The following KIF12 variants were observed in gnomAD, a reference collection of about 807,000 sequenced individuals.
The protein encoded by KIF12 is kinesin family member 12.
KIF12 carries 80 observed loss-of-function variants against 87.9 expected under a neutral mutation model. The ratio of observed to expected loss-of-function variants is 0.91; its 90% CI spans 0.76 to 1.10. KIF12 has a LOEUF of 1.10. Among genes scored for constraint, KIF12 ranks in the 50% least tolerant of loss-of-function variants. The probability of loss-of-function intolerance (pLI) is 0.00; values close to 1 mark genes in which losing one functional copy is unlikely to be tolerated. For synonymous variants in KIF12, 353 were observed against 348.5 expected, an observed-to-expected ratio of 1.01 and a Z score of -0.14; for missense variants, 819 against 865.3, an observed-to-expected ratio of 0.95 and a Z score of 0.67.
Position 114,098,433 on chromosome 9 carries a change from G to A in KIF12, c.172-4C>T. ...GACCCCCGCCTGGAGGACTCACCTG[G>A]CGCGGGTGGGGCGGAGGAGCGGGGC... On this transcript the variant is annotated splice_region_variant and splice_polypyrimidine_tract_variant and intron_variant, in intron 3 of 18. Transcript: ENST00000640217. 1 of 1,482,106 alleles carries A rather than the reference G, an allele frequency of 6.7e-7. No homozygotes were observed. The highest frequency in any genetic ancestry group is 2.7e-5 in the East Asian group (1 of 37,528). 91.8% of individuals were successfully genotyped at this position (1,482,106 alleles called of 1,614,324 possible).
intron 5 of KIF12, 71 bp downstream of exon 5, chr9:114,098,044 C>A (rs1847309361): frequency 7.0e-7 from 1 of 1,423,510 alleles, no homozygotes; most frequent in East Asian, 2.5e-5. Context: ...GAGTCTGCGC[C>A]GCCTGCGGCT....
In KIF12 at chr9:114,091,724, C is replaced by G; in HGVS notation, c.*137G>C. 1.1e-6 allele frequency: 1 copy of G among 884,144 alleles called. No individual in the cohort carries two copies. The highest frequency in any genetic ancestry group is 1.7e-6 in the Non-Finnish European group (1 of 602,830). The allele number at this position is 884,144 out of a possible 1,614,324, so 54.8% of individuals were successfully genotyped here. A position where few individuals can be genotyped will look rare whatever the true frequency, so the allele number is the denominator to read the frequency against. ...TCCCCTTGTTCCCCTAAATAGCACC[C>G]CCAGTCCCCGCCCCTAGCCCAGCTG... On this transcript the variant is annotated 3_prime_UTR_variant, in exon 19 of 19. Transcript: ENST00000640217.
rs555152437 is a variant in KIF12 at position 114,092,324 on chromosome 9, C to T, written c.1816+9G>A. 1.7e-5 allele frequency: 26 copies of T among 1,553,778 alleles called. No individual in the cohort carries two copies. The East Asian group carries it at 5.2e-4, about 31-fold the overall frequency. On this transcript the variant is annotated intron_variant, in intron 18 of 18. Coordinates refer to ENST00000640217, the MANE Select transcript of KIF12 (RefSeq NM_001388308.1). ...ACATTAGGGGCCCCTCCCTCTCTCC[C>T]TTCTTCACCTCTGAGCCCTGGTGAT...
At position 114,098,344 on chromosome 9, in the gene KIF12, C is replaced by T. The variant is rs1847326787; in HGVS notation, c.257G>A (p.Arg86Gln). The T allele has an allele frequency of 3.4e-6, 5 of 1,489,818 alleles. 1 individual carries two copies. In the South Asian group the frequency reaches 6.5e-5, roughly 19 times the overall value. The allele number at this position is 1,489,818 out of a possible 1,614,324, so 92.3% of individuals were successfully genotyped here. The change falls in exon 4 of 19, where the codon CGG (arginine) becomes CAG (glutamine). Residue 86 changes from arginine to glutamine, a missense_variant. Physicochemically the swap from Arg to Gln is conservative, Grantham distance 43. Coordinates refer to ENST00000640217, the MANE Select transcript of KIF12 (RefSeq NM_001388308.1). Reference sequence around the variant, plus strand: ...CCCCAGGCGCCGCACGCCGCACGCCCGGAACACGTCCTCCTGCGTGCGCGC... The same window carrying T: ...CCCCAGGCGCCGCACGCCGCACGCCTGGAACACGTCCTCCTGCGTGCGCGC... The part of the protein sequence containing the change: ...DAARTQEDVF[R>Q]ACGVRRLGEL...
In KIF12 at chr9:114,092,559, G is replaced by T. The variant is rs762557720; in HGVS notation, c.1680C>A (p.Ala560=). 2 of 1,611,144 alleles carry T rather than the reference G, an allele frequency of 1.2e-6. 1 individual carries two copies. The highest frequency in any genetic ancestry group is 2.2e-5 in the South Asian group (2 of 90,676). Residue 560 remains alanine (A), a synonymous_variant, in exon 17 of 19, where the codon GCC becomes GCA. Transcript: ENST00000640217. ...AGACCCACCTCTCTCTTGGGCACTT[G>T]GCAGAGCCAGGGCTGCATGGGGGTG... ...PWAPPCSPGS[A]KCPRERSHSD... is the part of the protein sequence containing the mutation.
In KIF12 at chr9:114,099,282, G is replaced by T. The variant is rs1243808510; in HGVS notation, c.-6C>A. On this transcript the variant is annotated 5_prime_UTR_variant, in exon 1 of 19. Transcript: ENST00000640217. The stretch of plus-strand genomic sequence containing the variant: ...GGTGACCCGCGTTCTTCCATGTCCT[G>T]CTCTGCACACGGAGTTAGCTCCGCC... 6.4e-7 allele frequency: 1 copy of T among 1,550,970 alleles called. No individual in the cohort carries two copies. Among genetic ancestry groups the T allele is most frequent in the East Asian group, 2.4e-5 (1 of 40,918 alleles).
Position 114,094,231 on chromosome 9 carries a change from C to G in KIF12, c.1263G>C (p.Arg421=). Residue 421 remains arginine (R), a synonymous_variant, in exon 13 of 19, where the codon CGG becomes CGC. Coordinates refer to ENST00000640217, the MANE Select transcript of KIF12 (RefSeq NM_001388308.1). ...ACTCCTGTAGCATCCCGTACAGGTTCCGCTGGGCCCAGGCCACCCGGGCTC... is the reference window on the plus strand; with the variant it reads ...ACTCCTGTAGCATCCCGTACAGGTTGCGCTGGGCCCAGGCCACCCGGGCTC... ...LSGARVAWAQ[R]NLYGMLQEFM... 1 of 1,614,048 alleles carries G rather than the reference C, an allele frequency of 6.2e-7. No individual in the cohort carries two copies.
At position 114,093,905 on chromosome 9, in the gene KIF12, GCTGGGCCAGGATGCGCTGCTCATT is replaced by G. The variant is rs1564380129; in HGVS notation, c.1357_1380del (p.Asn453_Gln460del). Reference sequence around the variant, plus strand: ...GCTTACCTCTCTAGTGCATGGACCTGCTGGGCCAGGATGCGCTGCTCATTCTGGGCCAGGTCTCGGCTATTCTGC... The same window carrying G: ...GCTTACCTCTCTAGTGCATGGACCTGCTGGGCCAGGTCTCGGCTATTCTGC... On this transcript the variant is annotated inframe_deletion, in exon 14 of 19. Transcript: ENST00000640217. 2.5e-6 allele frequency: 4 copies of G among 1,613,944 alleles called. No individual in the cohort carries two copies.
At chr9:114,094,589 C>T (rs570211051) in intron 11 of KIF12, 134 bp from the exon 12 acceptor site, 139 of 625,078 alleles carry the variant, frequency 2.2e-4, no homozygotes, top group African/African-American at 2.2e-3. Context: ...CATCTTGGCA[C>T]AAGGCTGTAT....
Position 114,092,557 on chromosome 9 carries a change from T to G in KIF12, c.1682A>C (p.Lys561Thr). Residue 561 changes from lysine to threonine, a missense_variant, in exon 17 of 19, where the codon AAG becomes ACG. Coordinates refer to ENST00000640217, the MANE Select transcript of KIF12 (RefSeq NM_001388308.1). ...WAPPCSPGSA[K>T]CPRERSHSDW... ...AGAGACCCACCTCTCTCTTGGGCAC[T>G]TGGCAGAGCCAGGGCTGCATGGGGG... 2 of 1,611,708 alleles carry G rather than the reference T, an allele frequency of 1.2e-6. No homozygotes were observed. The highest frequency in any genetic ancestry group is 8.5e-7 in the Non-Finnish European group (1 of 1,179,524).
chr9:114,092,715 G>A lies in KIF12; in HGVS notation c.1597-73C>T, dbSNP rs1847045767. ...TCTGTGTCCCACCTACCTGGTGCTA[G>A]CCATGACACCCCACCATGCCTACCC... On this transcript the variant is annotated intron_variant, in intron 16 of 18. Transcript: ENST00000640217. The A allele has an allele frequency of 2.6e-6, 4 of 1,524,562 alleles. No homozygotes were observed. In the South Asian group the frequency reaches 4.9e-5, roughly 19 times the overall value. The allele number at this position is 1,524,562 out of a possible 1,614,324, so 94.4% of individuals were successfully genotyped here. A position where few individuals can be genotyped will look rare whatever the true frequency, so the allele number is the denominator to read the frequency against.
Position 114,092,658 on chromosome 9 carries a change from G to C in KIF12, c.1597-16C>G. ...GGTCCAACACCTGTAGGAAAGACCA[G>C]AGTCCACTCTGGGTGACCTCAGTCC... On this transcript the variant is annotated splice_polypyrimidine_tract_variant and intron_variant, in intron 16 of 18. Coordinates refer to ENST00000640217, the MANE Select transcript of KIF12 (RefSeq NM_001388308.1). The C allele has an allele frequency of 6.4e-7, 1 of 1,570,132 alleles. No individual in the cohort carries two copies. The highest frequency in any genetic ancestry group is 8.6e-7 in the Non-Finnish European group (1 of 1,162,580).
intron 16 of KIF12, chr9:114,092,891 G>A: frequency 7.0e-7 from 1 of 1,431,534 alleles, no homozygotes; most frequent in Non-Finnish European, 9.1e-7. Context: ...ACTCCTCAGA[G>A]CCCAGAAGAG....
chr9:114,098,479 ACCCT>A, intron 3 of KIF12, 50 bp from the exon 4 acceptor site: 1 of 1,370,220 alleles, frequency 7.3e-7, no homozygotes, highest in Non-Finnish European at 9.5e-7. Flanking sequence ...AGGGCGGGGC[ACCCT>A]GGAGGGGCGG....
rs142274890 is a variant in KIF12, at chr9:114,097,606, C to T, written c.510+1G>A. The T allele has an allele frequency of 1.9e-6, 3 of 1,613,948 alleles. No homozygotes were observed. The highest frequency in any genetic ancestry group is 1.3e-5 in the African/African-American group (1 of 74,944). On this transcript the variant is annotated splice_donor_variant, in intron 6 of 18. Coordinates refer to ENST00000640217, the MANE Select transcript of KIF12 (RefSeq NM_001388308.1). LOFTEE classifies it high-confidence loss of function. ...TCTTTCTATTCCTCTCATTCCCTTA[C>T]CTGCTCATTGTAGATCTCCAGATAA...
chr9:114,098,825 G>T, intron 3 of KIF12, 110 bp downstream of exon 3: 1 of 1,260,344 alleles, frequency 7.9e-7, no homozygotes, highest in Non-Finnish European at 1.1e-6. Flanking sequence ...GGGGCACCTG[G>T]GAGAGGACCA....
chr9:114,096,600 A>C, intron 7 of KIF12, 122 bp from the exon 8 acceptor site: 1 of 794,448 alleles, frequency 1.3e-6, no homozygotes, highest in Non-Finnish European at 2.1e-6. Context: ...GGGAGGCAAC[A>C]GAGTGGGTGT....
chr9:114,091,889 C>A lies in KIF12; in HGVS notation c.1928G>T (p.Ser643Ile), dbSNP rs746359495. ...SQPPCSEGAR[S>I]PGQVLPPH The stretch of plus-strand genomic sequence containing the variant: ...ATGGGGAGGGAGGACTTGGCCTGGG[C>A]TCCGTGCGCCCTCACTGCAGGGTGG... The change falls in exon 19 of 19, where the codon AGC (serine) becomes ATC (isoleucine). Residue 643 changes from serine to isoleucine, a missense_variant. Ser to Ile is a moderately radical substitution (Grantham distance 142). Transcript: ENST00000640217. 1 of 1,608,462 alleles carries A rather than the reference C, an allele frequency of 6.2e-7. No homozygotes were observed. The highest frequency in any genetic ancestry group is 1.3e-5 in the African/African-American group (1 of 74,962).
rs1423587265 is a variant in KIF12, at chr9:114,098,577, G to T, written c.172-148C>A. ...GGGGCACCCTGGAGAAGGGTAGGGC[G>T]CTCGGTGAGGCACTCGGTGGGCGAG... is the stretch of plus-strand genomic sequence containing the variant. On this transcript the variant is annotated intron_variant, in intron 3 of 18. Transcript: ENST00000640217. 8.6e-5 allele frequency: 44 copies of T among 509,080 alleles called. No individual in the cohort carries two copies. In the Middle Eastern group the frequency reaches 3.4e-3, roughly 40 times the overall value. The allele number at this position is 509,080 out of a possible 1,614,324, so 31.5% of individuals were successfully genotyped here. A position where few individuals can be genotyped will look rare whatever the true frequency, so the allele number is the denominator to read the frequency against.
Sources: allele counts gnomAD v4.1 joint callset, GRCh38; gene constraint gnomAD v4.1.1; transcripts MANE v1.5; gene names NCBI Gene and HGNC (gene_info 2026-07-23, HGNC 2026-07-21).